AKAP17A: variants seen among roughly 807,000 people sequenced by gnomAD.
AKAP17A encodes the protein A-kinase anchor protein 17A.
Under a neutral mutation model 52.2 loss-of-function variants are expected in AKAP17A, and 15 were observed. The observed-to-expected ratio is 0.29, with a 90% CI of 0.19 to 0.44. The LOEUF (loss-of-function observed/expected upper bound fraction) is 0.44. AKAP17A is among the 20% of genes least tolerant of loss of function. AKAP17A has a pLI of 1.00. For missense variants in AKAP17A, 1,060 were observed against 1,007.0 expected (o/e 1.05, Z -0.71); for synonymous variants, 514 against 424.7 (o/e 1.21, Z -2.58).
In AKAP17A at chrX:1,591,619, C is replaced by G. The variant is rs1390640074; in HGVS notation, c.-170C>G. ...GTGGAAATGCGTCATAGAGGGCGGG[C>G]GGCGACGGCGGTGGCGGCGTCGGAG... On this transcript the variant is annotated 5_prime_UTR_variant, in exon 1 of 5. Transcript: ENST00000313871. The G allele has an allele frequency of 6.6e-6, 1 of 152,182 alleles. No individual in the cohort carries two copies. Among genetic ancestry groups the G allele is most frequent in the South Asian group, 2.0e-4 (1 of 4,980 alleles). The allele number at this position is 152,182 out of a possible 1,614,324, so 9.4% of individuals were successfully genotyped here.
At position 1,596,721 on chromosome X, in the gene AKAP17A, C is replaced by G. The variant is rs1933007080; in HGVS notation, c.911+1189C>G. Among the ~76,000 whole-genome samples, 2 of 71,730 alleles carry G rather than the reference C, an allele frequency of 2.8e-5. 1 individual carries two copies. Among genetic ancestry groups the G allele is most frequent in the Non-Finnish European group, 5.5e-5 (2 of 36,564 alleles). The allele number at this position is 71,730 out of a possible 152,430, so 47.1% of individuals were successfully genotyped here. ...CCTCCTAGTGAGGTGGATTCCTCCT[C>G]CTCCTTCTCCGTCCCTCCCACCCTC... is the stretch of plus-strand genomic sequence containing the variant. On this transcript the variant is annotated intron_variant, in intron 3 of 4. Transcript: ENST00000313871.
At chrX:1,599,037 G>C (rs1396605609) in intron 3 of AKAP17A, among the ~76,000 whole-genome samples, 155 bp from the exon 4 acceptor site, 1 of 152,214 alleles carries the variant, frequency 6.6e-6, no homozygotes, top group Non-Finnish European at 1.5e-5. Flanking sequence ...CTCTCGGGCT[G>C]CTTTGAGTCA....
intron 3 of AKAP17A, among the ~76,000 whole-genome samples, chrX:1,596,251 C>A (rs1222687821): frequency 8.5e-5 from 12 of 141,964 alleles, no homozygotes; most frequent in African/African-American, 2.9e-4. Flanking sequence ...AAACAAAAAA[C>A]CAATGATAGG....
Position 1,601,351 on chromosome X carries a change from G to C in AKAP17A, c.1845G>C (p.Gly615=). Reference sequence around the variant, plus strand: ...GGCGGGCCAGCAGCAGGGAGGACGGGAGGCCACGCAAGGAGCGGCGGCCCC... The same window carrying C: ...GGCGGGCCAGCAGCAGGGAGGACGGCAGGCCACGCAAGGAGCGGCGGCCCC... The part of the protein sequence containing the change: ...RARRASSRED[G]RPRKERRPHK... The change falls in exon 5 of 5, where the codon GGG becomes GGC. Residue 615 remains glycine, a synonymous_variant. Transcript: ENST00000313871. 6.3e-7 allele frequency: 1 copy of C among 1,592,618 alleles called. No homozygotes were observed. Among genetic ancestry groups the C allele is most frequent in the Non-Finnish European group, 8.5e-7 (1 of 1,173,306 alleles).
At chrX:1,597,027 C>G (rs769239908) in intron 3 of AKAP17A, among the ~76,000 whole-genome samples, 1 of 152,348 alleles carries the variant, frequency 6.6e-6, no homozygotes, top group African/African-American at 2.4e-5. Context: ...GATATCAAGT[C>G]TGGGACGTGT....
At chrX:1,599,129 G>C (rs1308547033) in intron 3 of AKAP17A, 63 bp from the exon 4 acceptor site, 47 of 1,581,136 alleles carry the variant, frequency 3.0e-5, no homozygotes, top group Non-Finnish European at 3.9e-5. Context: ...AAAGCCGCTT[G>C]TATGGTGTGT....
At chrX:1,593,418 C>T (rs771765830) in intron 1 of AKAP17A, 26 bp from the exon 2 acceptor site, 8 of 1,576,092 alleles carry the variant, frequency 5.1e-6, no homozygotes, top group Non-Finnish European at 8.6e-7. Flanking sequence ...GGTGCTGGTG[C>T]TGACTGTCTG....
intron 3 of AKAP17A, among the ~76,000 whole-genome samples, chrX:1,598,948 G>T (rs775143663): frequency 6.6e-6 from 1 of 152,274 alleles, no homozygotes; most frequent in South Asian, 2.1e-4. Context: ...TTTTCTTCGT[G>T]GTTTCAGGGT....
chrX:1,599,513 C>T lies in AKAP17A; in HGVS notation c.1152+81C>T, dbSNP rs751039700. 33 of 1,541,118 alleles carry T rather than the reference C, an allele frequency of 2.1e-5. 1 individual carries two copies. The Middle Eastern group carries it at 6.9e-4, about 32-fold the overall frequency. Reference sequence around the variant, plus strand: ...CTCCCCTGAAATGCGGGCGGCGTCACGGCGCCGTTTCCCCGCCGGCTGCAG... The same window carrying T: ...CTCCCCTGAAATGCGGGCGGCGTCATGGCGCCGTTTCCCCGCCGGCTGCAG... On this transcript the variant is annotated intron_variant, in intron 4 of 4. Transcript: ENST00000313871.
rs1372300136 is a variant in AKAP17A, at chrX:1,602,464, G to A, written c.*870G>A. On this transcript the variant is annotated 3_prime_UTR_variant, in exon 5 of 5. Transcript: ENST00000313871. ...TAACGTTCGCGTTAGGAAAGATGGT[G>A]TTTATTCCAGTTTGCATTTTTATGG... 6.6e-6 allele frequency: 1 copy of A among 152,188 alleles called. No individual in the cohort carries two copies. 9.4% of individuals were successfully genotyped at this position (152,188 alleles called of 1,614,324 possible).
At position 1,600,993 on chromosome X, in the gene AKAP17A, C is replaced by T. The variant is rs759580702; in HGVS notation, c.1487C>T (p.Pro496Leu). 2 of 1,602,964 alleles carry T rather than the reference C, an allele frequency of 1.2e-6. No individual in the cohort carries two copies. Among genetic ancestry groups the T allele is most frequent in the Non-Finnish European group, 1.7e-6 (2 of 1,175,970 alleles). ...GGGGGCCAGCCCCCGGCCGGTGCCC[C>T]CAAGGAGAGCCCGGCCCACCCAGAG... ...PLGGQPPAGA[P>L]KESPAHPEAD... Residue 496 changes from proline to leucine, a missense_variant, in exon 5 of 5, where the codon CCC becomes CTC. Physicochemically the swap from Pro to Leu is moderately conservative, Grantham distance 98. This residue lies in a region of AKAP17A where 793 missense variants were observed against 629.9 expected (regional missense o/e 1.26). Coordinates refer to ENST00000313871, the MANE Select transcript of AKAP17A (RefSeq NM_005088.3).
At chrX:1,595,258 CGGTG>C in intron 2 of AKAP17A, 122 bp from the exon 3 acceptor site, 1 of 215,866 alleles carries the variant, frequency 4.6e-6, no homozygotes, top group Non-Finnish European at 7.0e-6. Flanking sequence ...GAGTGGTGAG[CGGTG>C]AGCGGTGAGC....
At chrX:1,599,115 T>A (rs28513563) in intron 3 of AKAP17A, 77 bp from the exon 4 acceptor site, 226 of 1,561,306 alleles carry the variant, frequency 1.4e-4, no homozygotes, top group Middle Eastern at 7.2e-4. Flanking sequence ...TCCGCCGTGT[T>A]TGGAAAGCCG....
chrX:1,594,232 C>G lies in AKAP17A; in HGVS notation c.762+8C>G, dbSNP rs1166037747. 1 of 1,514,906 alleles carries G rather than the reference C, an allele frequency of 6.6e-7. No individual in the cohort carries two copies. The highest frequency in any genetic ancestry group is 1.4e-5 in the African/African-American group (1 of 71,628). The allele number at this position is 1,514,906 out of a possible 1,614,324, so 93.8% of individuals were successfully genotyped here. A position where few individuals can be genotyped will look rare whatever the true frequency, so the allele number is the denominator to read the frequency against. On this transcript the variant is annotated splice_region_variant and intron_variant, in intron 2 of 4. Coordinates refer to ENST00000313871, the MANE Select transcript of AKAP17A (RefSeq NM_005088.3). ...GTGGCCTGCAACATCAAGGTGAGTC[C>G]TGGGCACCGAGAGAGCCACGCGCTT...
chrX:1,600,014 A>G (rs1933268393), intron 4 of AKAP17A: 4 of 534,460 alleles, frequency 7.5e-6, no homozygotes, highest in Non-Finnish European at 3.3e-6. Flanking sequence ...GCCCGGGGCC[A>G]GGGCCCACAG....
chrX:1,595,577 T>A, intron 3 of AKAP17A, 45 bp downstream of exon 3: 1 of 1,611,814 alleles, frequency 6.2e-7, no homozygotes. Context: ...GTCCGGCACC[T>A]GGGAGTGTGC....
At position 1,601,477 on chromosome X, in the gene AKAP17A, G is replaced by A. The variant is rs1180953090; in HGVS notation, c.1971G>A (p.Arg657=). ...RRSHSKDRHR[R]ERSRERRGSA... is the part of the protein sequence containing the mutation. ...CCCACAGCAAAGACAGGCACCGGAG[G>A]GAGCGGAGCCGGGAGCGGAGGGGCA... is the stretch of plus-strand genomic sequence containing the variant. Residue 657 remains arginine, a synonymous_variant, in exon 5 of 5, where the codon AGG becomes AGA. Transcript: ENST00000313871. 7 of 1,566,344 alleles carry A rather than the reference G, an allele frequency of 4.5e-6. No individual in the cohort carries two copies. In the South Asian group the frequency reaches 6.8e-5, roughly 15 times the overall value.
chrX:1,593,568 C>G lies in AKAP17A; in HGVS notation c.106C>G (p.Leu36Val). ...PITKMTISVA[L>V]PQLKQPGKSI... is the part of the protein sequence containing the mutation. ...CACCAAGATGACCATCAGCGTGGCA[C>G]TCCCGCAGCTGAAGCAGCCGGGGAA... The change falls in exon 2 of 5, where the codon CTC becomes GTC. Residue 36 changes from leucine (L) to valine (V), a missense_variant. By Grantham distance (32) the Leu-to-Val change is conservative. Transcript: ENST00000313871. The G allele has an allele frequency of 6.2e-7, 1 of 1,613,772 alleles. No homozygotes were observed. The highest frequency in any genetic ancestry group is 8.5e-7 in the Non-Finnish European group (1 of 1,179,870).
chrX:1,600,906 T>A lies in AKAP17A; in HGVS notation c.1400T>A (p.Val467Asp). ...GVAHADLLQPVLDILQTVSSG... is the reference protein window; with the variant it reads ...GVAHADLLQPDLDILQTVSSG... ...GCACACGCCGACCTGCTGCAGCCCG[T>A]CCTGGACATCCTGCAGACCGTGTCG... Residue 467 changes from valine (V) to aspartate (D), a missense_variant, in exon 5 of 5, where the codon GTC (valine) becomes GAC (aspartate). By Grantham distance (152) the Val-to-Asp change is radical (BLOSUM62 -3). Transcript: ENST00000313871. 6.3e-7 allele frequency: 1 copy of A among 1,575,004 alleles called. No individual in the cohort carries two copies. Among genetic ancestry groups the A allele is most frequent in the Non-Finnish European group, 8.6e-7 (1 of 1,164,364 alleles).
Sources: allele counts gnomAD v4.1 joint callset (sites outside exome capture counted in the v4.1 genomes callset), GRCh38; gene constraint gnomAD v4.1.1; regional missense constraint gnomAD v4.1.1; transcripts MANE v1.5; gene names NCBI Gene and HGNC (gene_info 2026-07-23, HGNC 2026-07-21).